The following FTCDNL1 variants were observed in gnomAD, a reference collection of about 807,000 sequenced individuals.
FTCDNL1 encodes the protein formiminotransferase cyclodeaminase N-terminal like.
A neutral mutation model predicts 5.9 loss-of-function variants in FTCDNL1; 11 were observed. The observed-to-expected ratio is 1.87, with a 90% CI of 1.18 to 3.10. The LOEUF (loss-of-function observed/expected upper bound fraction) is 3.10. FTCDNL1 is among the 30% of genes most tolerant of loss of function. The pLI is 0.00. For missense variants in FTCDNL1, 115 were observed against 65.5 expected (o/e 1.76, Z -2.61); for synonymous variants, 58 against 24.8 (o/e 2.34, Z -3.99).
At chr2:199,756,011 T>C (rs897947715), downstream of FTCDNL1, among the ~76,000 whole-genome samples, 2 of 152,210 alleles carry the variant, frequency 1.3e-5, no homozygotes, top group African/African-American at 2.4e-5. Flanking sequence ...AATAATTACA[T>C]AGAGTCAACT....
At position 199,819,670 on chromosome 2, in the gene FTCDNL1, A is replaced by G; in HGVS notation, c.299T>C (p.Val100Ala). 1 of 702,302 alleles carries G rather than the reference A, an allele frequency of 1.4e-6. No individual in the cohort carries two copies. The highest frequency in any genetic ancestry group is 2.6e-6 in the Non-Finnish European group (1 of 384,802). 43.5% of individuals were successfully genotyped at this position (702,302 alleles called of 1,614,324 possible). A position where few individuals can be genotyped will look rare whatever the true frequency, so the allele number is the denominator to read the frequency against. Residue 100 changes from valine (V) to alanine (A), a missense_variant, in exon 4 of 5, where the codon GTG becomes GCG. Physicochemically the swap from Val to Ala is moderately conservative, Grantham distance 64 (BLOSUM62 0). Transcript: ENST00000420128. ...CCAGCCCAGCTGCTTCCTTCTCTGC[A>G]CAAGACTGCGCTTCTCAGGCAGGTC... Reference protein sequence around the residue: ...EADLPEKRSLVQRRKQLGWFT... With the variant: ...EADLPEKRSLAQRRKQLGWFT...
rs564269154 is a variant in FTCDNL1 at position 199,762,949 on chromosome 2, A to T, written c.212-2114T>A. ...GCACACATTTGGGGTCAATCTTAACATTTTCTGCTTTGTAATATCACTTAG... is the reference window on the plus strand; with the variant it reads ...GCACACATTTGGGGTCAATCTTAACTTTTTCTGCTTTGTAATATCACTTAG... On this transcript the variant is annotated intron_variant, in intron 3 of 3. Transcript: ENST00000416668. 5.3e-5 allele frequency among the ~76,000 whole-genome samples: 8 copies of T among 152,290 alleles called. No individual in the cohort carries two copies. The East Asian group carries it at 1.5e-3, about 29-fold the overall frequency.
chr2:199,702,539 T>C, the FTCDNL1 span, among the ~76,000 whole-genome samples: 1 of 152,150 alleles, frequency 6.6e-6, no homozygotes, highest in Non-Finnish European at 1.5e-5. Context: ...TTTTGGTAAA[T>C]GAATATTAGC....
downstream of FTCDNL1, among the ~76,000 whole-genome samples, chr2:199,756,942 A>G (rs1200849629): frequency 6.6e-6 from 1 of 152,230 alleles, no homozygotes; most frequent in Non-Finnish European, 1.5e-5. Context: ...TGAAAGTCAC[A>G]CACATCACTT....
At chr2:199,849,879 A>G (rs2076829476) in intron 1 of FTCDNL1, among the ~76,000 whole-genome samples, 1 of 152,198 alleles carries the variant, frequency 6.6e-6, no homozygotes. Flanking sequence ...CATTCAACAA[A>G]TATTTAATGA....
intron 4 of FTCDNL1, among the ~76,000 whole-genome samples, chr2:199,817,315 A>G (rs1223864187): frequency 3.9e-5 from 6 of 152,206 alleles, no homozygotes; most frequent in African/African-American, 1.2e-4. Flanking sequence ...TTATACTATC[A>G]TTAACAGTGT....
downstream of FTCDNL1, among the ~76,000 whole-genome samples, chr2:199,760,359 G>T (rs907194096): frequency 1.3e-5 from 2 of 152,160 alleles, no homozygotes; most frequent in African/African-American, 4.8e-5. Context: ...CTGGAAAGAG[G>T]TTCAGAGCTT....
chr2:199,846,920 C>A (rs1007603164), intron 2 of FTCDNL1, among the ~76,000 whole-genome samples: 1 of 152,148 alleles, frequency 6.6e-6, no homozygotes, highest in South Asian at 2.1e-4. Context: ...AGTTTTCAGG[C>A]GGTAATTAAA....
the FTCDNL1 span, among the ~76,000 whole-genome samples, chr2:199,747,933 T>A: frequency 6.6e-6 from 1 of 152,182 alleles, no homozygotes; most frequent in Non-Finnish European, 1.5e-5. Context: ...TTTCATTTGA[T>A]GTTGGATGGC....
the FTCDNL1 span, among the ~76,000 whole-genome samples, chr2:199,713,238 A>G: frequency 6.6e-6 from 1 of 152,202 alleles, no homozygotes; most frequent in Non-Finnish European, 1.5e-5. Context: ...TGTCACCACT[A>G]GTCAAGATGG....
intron 3 of FTCDNL1, among the ~76,000 whole-genome samples, chr2:199,832,284 T>G (rs1702422669): frequency 6.6e-6 from 1 of 152,208 alleles, no homozygotes; most frequent in African/African-American, 2.4e-5. Flanking sequence ...TAACTCATTT[T>G]ATTGTGTCCT....
the FTCDNL1 span, among the ~76,000 whole-genome samples, chr2:199,707,190 C>T: frequency 4.6e-5 from 7 of 152,190 alleles, no homozygotes; most frequent in African/African-American, 1.7e-4. Context: ...GGCCATGGGG[C>T]ATAGAGTTGG....
chr2:199,720,774 G>T, the FTCDNL1 span, among the ~76,000 whole-genome samples: 1 of 151,876 alleles, frequency 6.6e-6, no homozygotes, highest in Non-Finnish European at 1.5e-5. Context: ...ACATTCACAG[G>T]TTCCAAGTAG....
intron 3 of FTCDNL1, among the ~76,000 whole-genome samples, chr2:199,773,035 G>A (rs1387396292): frequency 1.3e-5 from 2 of 152,146 alleles, no homozygotes; most frequent in East Asian, 1.9e-4. Flanking sequence ...TGTTTGGCCA[G>A]AAACTGATTA....
At chr2:199,716,451 AG>A in the FTCDNL1 span, among the ~76,000 whole-genome samples, 4 of 152,176 alleles carry the variant, frequency 2.6e-5, no homozygotes, top group Non-Finnish European at 5.9e-5. Flanking sequence ...AGCCTTTTTT[AG>A]CCCCAATTCT....
At chr2:199,766,873 G>A (rs1423504316) in intron 3 of FTCDNL1, among the ~76,000 whole-genome samples, 1 of 151,960 alleles carries the variant, frequency 6.6e-6, no homozygotes, top group Non-Finnish European at 1.5e-5. Flanking sequence ...TTGGTGTCTA[G>A]ACAATAATGA....
At chr2:199,702,392 C>T in the FTCDNL1 span, among the ~76,000 whole-genome samples, 1 of 152,278 alleles carries the variant, frequency 6.6e-6, no homozygotes, top group East Asian at 1.9e-4. Flanking sequence ...AGAAGACCCT[C>T]GCCTCCCGAT....
Position 199,809,433 on chromosome 2 carries a change from C to T in FTCDNL1, c.*3272G>A, listed in dbSNP as rs971024395. 5.9e-5 allele frequency among the ~76,000 whole-genome samples: 9 copies of T among 151,794 alleles called. No homozygotes were observed. Among genetic ancestry groups the T allele is most frequent in the African/African-American group, 1.7e-4 (7 of 41,258 alleles). On this transcript the variant is annotated 3_prime_UTR_variant, in exon 5 of 5. Coordinates refer to ENST00000420128, the MANE Select transcript of FTCDNL1 (RefSeq NM_001363886.2). ...TTCCTTAAAATAAATTCACATTTTG[C>T]GCTCTTATTAAAGAAGATCACAGTC...
chr2:199,783,201 G>C (rs1037808073), intron 3 of FTCDNL1, among the ~76,000 whole-genome samples: 2 of 152,202 alleles, frequency 1.3e-5, no homozygotes, highest in African/African-American at 4.8e-5. Context: ...GCCATGGCCT[G>C]TTACCAGTAC....
Sources: allele counts gnomAD v4.1 joint callset (sites outside exome capture counted in the v4.1 genomes callset), GRCh38; gene constraint gnomAD v4.1.1; transcripts MANE v1.5; gene names NCBI Gene and HGNC (gene_info 2026-07-23, HGNC 2026-07-21).